ATP6V1B2: variants seen among roughly 807,000 people sequenced by gnomAD.
ATP6V1B2 encodes ATPase H+ transporting V1 subunit B2.
ATP6V1B2 carries 23 observed loss-of-function variants against 66.7 expected under a neutral mutation model. That is an observed-to-expected ratio of 0.34 (90% CI 0.25 to 0.49). ATP6V1B2 has a LOEUF of 0.49. Among genes scored for constraint, ATP6V1B2 ranks in the 20% least tolerant of loss-of-function variants. The probability of loss-of-function intolerance (pLI) is 0.99; values close to 1 mark genes in which losing one functional copy is unlikely to be tolerated. For synonymous variants in ATP6V1B2, 278 were observed against 236.7 expected (o/e 1.17, Z -1.60); for missense variants, 478 against 650.8 (o/e 0.73, Z 2.89).
chr8:20,211,580 T>C, intron 6 of ATP6V1B2, 72 bp from the exon 7 acceptor site: 1 of 1,485,658 alleles, frequency 6.7e-7, no homozygotes, highest in Non-Finnish European at 9.1e-7. Context: ...CCAAAAAGTT[T>C]ATGGTAAAAG....
chr8:20,207,477 C>T (rs942458418), intron 2 of ATP6V1B2, among the ~76,000 whole-genome samples: 3 of 152,106 alleles, frequency 2.0e-5, no homozygotes, highest in Admixed American at 1.3e-4. Flanking sequence ...ATACAGAAGA[C>T]CGTTTTTGGG....
intron 9 of ATP6V1B2, 147 bp downstream of exon 9, chr8:20,213,052 C>G: frequency 1.7e-6 from 2 of 1,145,586 alleles, no homozygotes; most frequent in South Asian, 2.8e-5. Flanking sequence ...AGAAAGGAAA[C>G]TACTTCGTTT....
At chr8:20,215,434 CCTGT>C (rs1351092277) in intron 10 of ATP6V1B2, 1 of 152,904 alleles carries the variant, frequency 6.5e-6, no homozygotes, top group East Asian at 1.9e-4. Context: ...CTTTCCAATG[CCTGT>C]CTGTGTGTGT....
Position 20,221,689 on chromosome 8 carries a change from G to T in ATP6V1B2, c.*1287G>T, listed in dbSNP as rs1441182976. On this transcript the variant is annotated 3_prime_UTR_variant, in exon 14 of 14. Transcript: ENST00000276390. The stretch of plus-strand genomic sequence containing the variant: ...ATGAAAATAAATGTTAAATTAAATG[G>T]ACCTTAACTAAAGTGACTCTCTATC... The T allele has an allele frequency of 6.6e-6, 1 of 152,572 alleles. No homozygotes were observed. The highest frequency in any genetic ancestry group is 2.4e-5 in the African/African-American group (1 of 41,448). The allele number at this position is 152,572 out of a possible 1,614,324, so 9.5% of individuals were successfully genotyped here.
At chr8:20,198,777 A>G (rs1407678713) in intron 1 of ATP6V1B2, among the ~76,000 whole-genome samples, 2 of 152,212 alleles carry the variant, frequency 1.3e-5, no homozygotes, top group Non-Finnish European at 2.9e-5. Flanking sequence ...AGAAAAAGGA[A>G]AACATTTGAT....
intron 1 of ATP6V1B2, among the ~76,000 whole-genome samples, chr8:20,203,528 C>T (rs2072707425): frequency 6.6e-6 from 1 of 152,284 alleles, no homozygotes; most frequent in Admixed American, 6.5e-5. Flanking sequence ...GTGAAAAATT[C>T]CCAGTTGCTA....
At chr8:20,213,860 C>T (rs1279679307) in intron 9 of ATP6V1B2, 2 of 152,100 alleles carry the variant, frequency 1.3e-5, no homozygotes, top group Non-Finnish European at 2.9e-5. Context: ...TAGTTTTTCT[C>T]CCCCATCCAT....
At chr8:20,216,143 G>A in intron 10 of ATP6V1B2, 1 of 255,414 alleles carries the variant, frequency 3.9e-6, no homozygotes, top group Non-Finnish European at 7.6e-6. Flanking sequence ...TTAAGTTCAA[G>A]TTAACTGAAA....
At chr8:20,219,594 A>G (rs971434300) in intron 13 of ATP6V1B2, among the ~76,000 whole-genome samples, 1 of 152,198 alleles carries the variant, frequency 6.6e-6, no homozygotes, top group Non-Finnish European at 1.5e-5. Context: ...ATACATTATT[A>G]ATATTCAAAT....
rs2072898441 is a variant in ATP6V1B2, at chr8:20,220,659, A to G, written c.*257A>G. ...TGGAGTGGCGTTTTCTTATTGCTGT[A>G]TGTATTGTACATAGTGGAGTAGTTA... On this transcript the variant is annotated 3_prime_UTR_variant, in exon 14 of 14. Transcript: ENST00000276390. 3 of 410,510 alleles carry G rather than the reference A, an allele frequency of 7.3e-6. No individual in the cohort carries two copies. The highest frequency in any genetic ancestry group is 1.3e-5 in the Non-Finnish European group (3 of 236,948). The allele number at this position is 410,510 out of a possible 1,614,324, so 25.4% of individuals were successfully genotyped here.
chr8:20,211,538 A>T, intron 6 of ATP6V1B2, 114 bp from the exon 7 acceptor site: 2 of 1,310,018 alleles, frequency 1.5e-6, no homozygotes, highest in Non-Finnish European at 2.1e-6. Flanking sequence ...TGAATACCCT[A>T]AAACATCCTG....
chr8:20,208,152 C>G (rs2072756902), intron 2 of ATP6V1B2, among the ~76,000 whole-genome samples: 1 of 152,162 alleles, frequency 6.6e-6, no homozygotes, highest in Non-Finnish European at 1.5e-5. Flanking sequence ...AGAAAATGGG[C>G]ATGGCCTGTA....
chr8:20,201,046 T>C (rs1444245385), intron 1 of ATP6V1B2, among the ~76,000 whole-genome samples: 2 of 152,232 alleles, frequency 1.3e-5, no homozygotes, highest in African/African-American at 2.4e-5. Flanking sequence ...TGATAAAATA[T>C]GTGCTCCTTA....
chr8:20,216,938 C>T (rs1171303547), intron 11 of ATP6V1B2: 2 of 370,022 alleles, frequency 5.4e-6, no homozygotes, highest in Non-Finnish European at 9.9e-6. Context: ...TGTGGTAGTA[C>T]TTATCAAACA....
chr8:20,210,516 T>G (rs2072782233), intron 4 of ATP6V1B2, 53 bp from the exon 5 acceptor site: 1 of 1,607,876 alleles, frequency 6.2e-7, no homozygotes, highest in Non-Finnish European at 8.5e-7. Context: ...TTAAAAATTA[T>G]GAACATTTGA....
Position 20,210,328 on chromosome 8 carries a change from A to C in ATP6V1B2, c.292-18A>C, listed in dbSNP as rs1250292920. 6.3e-7 allele frequency: 1 copy of C among 1,594,374 alleles called. No individual in the cohort carries two copies. The highest frequency in any genetic ancestry group is 2.2e-5 in the East Asian group (1 of 44,738). ...CTAAATTACTTCTACCCTTCTCATT[A>C]ATTCTTTTTCTTGATAGGTATTTGA... On this transcript the variant is annotated intron_variant, in intron 3 of 13. Coordinates refer to ENST00000276390, the MANE Select transcript of ATP6V1B2 (RefSeq NM_001693.4).
At chr8:20,211,469 CAT>C (rs752651039) in intron 6 of ATP6V1B2, 153 bp downstream of exon 6, 35 of 1,296,512 alleles carry the variant, frequency 2.7e-5, no homozygotes, top group South Asian at 3.1e-5. Flanking sequence ...TATTTCTGCA[CAT>C]GTCTTCTTGC....
chr8:20,200,823 A>C (rs1259335634), intron 1 of ATP6V1B2, among the ~76,000 whole-genome samples: 1 of 152,210 alleles, frequency 6.6e-6, no homozygotes, highest in Non-Finnish European at 1.5e-5. Context: ...CCTCTTCTTC[A>C]GGTGCTCACT....
Position 20,212,792 on chromosome 8 carries a change from A to T in ATP6V1B2, c.814A>T (p.Ile272Phe). 1 of 1,613,558 alleles carries T rather than the reference A, an allele frequency of 6.2e-7. No homozygotes were observed. The highest frequency in any genetic ancestry group is 1.3e-5 in the African/African-American group (1 of 74,960). Residue 272 changes from isoleucine (I) to phenylalanine (F), a missense_variant, in exon 9 of 14, where the codon ATT becomes TTT. By Grantham distance (21) the Ile-to-Phe change is conservative. Transcript: ENST00000276390. ...AATGTTCCCTTTCAGCATTGAGCGA[A>T]TTATCACTCCTCGCCTGGCTCTAAC... ...NLANDPTIER[I>F]ITPRLALTTA...
Sources: gnomAD v4.1 joint callset for allele counts (sites outside exome capture counted in the v4.1 genomes callset) on GRCh38, gnomAD v4.1.1 for gene constraint, MANE v1.5 for transcripts, NCBI Gene and HGNC (gene_info 2026-07-23, HGNC 2026-07-21) for gene names.